ZNF385D: variants seen among roughly 807,000 people sequenced by gnomAD.
ZNF385D encodes zinc finger protein 659.
Under a neutral mutation model 35.8 loss-of-function variants are expected in ZNF385D, and 15 were observed. That is an observed-to-expected ratio of 0.42 (90% CI 0.28 to 0.64). The LOEUF (loss-of-function observed/expected upper bound fraction) is 0.64, where lower values mean the gene tolerates loss of function less well. Ranked by LOEUF, ZNF385D falls within the 30% of genes least tolerant of loss-of-function variation. The pLI is 0.23. For synonymous variants in ZNF385D, 212 were observed against 186.8 expected (o/e 1.13, Z -1.10); for missense variants, 474 against 494.6 (o/e 0.96, Z 0.39).
At chr3:21,524,891 A>G (rs1365896202) in intron 3 of ZNF385D, among the ~76,000 whole-genome samples, 1 of 152,162 alleles carries the variant, frequency 6.6e-6, no homozygotes, top group African/African-American at 2.4e-5. Context: ...CTGAACTAAG[A>G]CTATTAGTTG....
At chr3:21,866,905 A>T (rs684937) in intron 3 of ZNF385D, among the ~76,000 whole-genome samples, 62,778 of 151,980 alleles carry the variant, frequency 0.41, 13,201 homozygotes, top group Non-Finnish European at 0.43. Context: ...ATCAGTGCCT[A>T]TTAGAATGAA....
At chr3:21,534,047 A>G (rs1475701089) in intron 3 of ZNF385D, among the ~76,000 whole-genome samples, 2 of 152,080 alleles carry the variant, frequency 1.3e-5, no homozygotes, top group African/African-American at 4.8e-5. Context: ...TTTGCTTACA[A>G]TACCCTTCTT....
chr3:22,036,534 G>C (rs1002495853), intron 3 of ZNF385D, among the ~76,000 whole-genome samples: 1 of 151,916 alleles, frequency 6.6e-6, no homozygotes, highest in Non-Finnish European at 1.5e-5. Context: ...AGAAATAGTA[G>C]TGATATGAGT....
chr3:22,149,001 C>T (rs540566273), intron 3 of ZNF385D, among the ~76,000 whole-genome samples: 161 of 152,174 alleles, frequency 1.1e-3, no homozygotes, highest in Admixed American at 4.7e-3. Context: ...GCTGCAAAAA[C>T]CAGTTAAGTG....
At chr3:21,821,033 T>C (rs993963025) in intron 3 of ZNF385D, among the ~76,000 whole-genome samples, 2 of 151,962 alleles carry the variant, frequency 1.3e-5, no homozygotes, top group African/African-American at 4.8e-5. Context: ...ATGGAGTCAA[T>C]AATTAAAAAT....
rs564646455 is a variant in ZNF385D at position 21,498,678 on chromosome 3, G to A, written c.439+12183C>T. On this transcript the variant is annotated intron_variant, in intron 4 of 7. Coordinates refer to ENST00000281523, the MANE Select transcript of ZNF385D (RefSeq NM_024697.3). Reference sequence around the variant, plus strand: ...ATGCCACCTCACACTGGTCAGAATGGCTATTAATAACAAGTCACACTTTGG... The same window carrying A: ...ATGCCACCTCACACTGGTCAGAATGACTATTAATAACAAGTCACACTTTGG... 2.6e-5 allele frequency among the ~76,000 whole-genome samples: 4 copies of A among 152,126 alleles called. No individual in the cohort carries two copies. The South Asian group carries it at 8.3e-4, about 32-fold the overall frequency.
chr3:21,689,130 C>CAAAAAAAAAAA (rs5847126), intron 1 of ZNF385D, among the ~76,000 whole-genome samples: 1 of 114,372 alleles, frequency 8.7e-6, no homozygotes, highest in Non-Finnish European at 1.8e-5. Flanking sequence ...CTTATTGAAG[C>CAAAAAAAAAAA]AAAAAAAAAA....
At chr3:21,672,678 T>C (rs2066612540) in intron 1 of ZNF385D, among the ~76,000 whole-genome samples, 1 of 152,190 alleles carries the variant, frequency 6.6e-6, no homozygotes, top group Non-Finnish European at 1.5e-5. Flanking sequence ...TTTTCAGTTG[T>C]GGTATTTAAA....
At chr3:21,762,233 G>T (rs1232311880) in intron 3 of ZNF385D, among the ~76,000 whole-genome samples, 1 of 152,032 alleles carries the variant, frequency 6.6e-6, no homozygotes, top group African/African-American at 2.4e-5. Context: ...GTTCTCTCCT[G>T]TTGGATTCAG....
chr3:21,866,438 A>G (rs1432988014), intron 3 of ZNF385D, among the ~76,000 whole-genome samples: 1 of 152,186 alleles, frequency 6.6e-6, no homozygotes, highest in Non-Finnish European at 1.5e-5. Context: ...CTTGGGCAAC[A>G]GGAGTGAAAC....
chr3:22,271,879 T>C (rs1311415554), intron 2 of ZNF385D, among the ~76,000 whole-genome samples: 1 of 152,056 alleles, frequency 6.6e-6, no homozygotes, highest in Admixed American at 6.6e-5. Context: ...TTTTAGACTT[T>C]ACAATAGTGT....
intron 3 of ZNF385D, among the ~76,000 whole-genome samples, chr3:22,138,090 C>T (rs1308854822): frequency 6.6e-6 from 1 of 151,982 alleles, no homozygotes; most frequent in Non-Finnish European, 1.5e-5. Flanking sequence ...AAGAAAATAC[C>T]TAGGAATCCA....
intron 2 of ZNF385D, among the ~76,000 whole-genome samples, chr3:22,370,040 T>C (rs1417559129): frequency 1.3e-5 from 2 of 152,200 alleles, no homozygotes; most frequent in Non-Finnish European, 2.9e-5. Context: ...ATTGCAAACA[T>C]TTTCATTATT....
At chr3:22,300,754 G>A (rs747186928) in intron 2 of ZNF385D, among the ~76,000 whole-genome samples, 2 of 151,926 alleles carry the variant, frequency 1.3e-5, no homozygotes, top group Non-Finnish European at 2.9e-5. Context: ...CTTCACACAT[G>A]TTAGAATAGC....
chr3:21,999,132 G>C (rs902808560), intron 3 of ZNF385D, among the ~76,000 whole-genome samples: 1 of 152,086 alleles, frequency 6.6e-6, no homozygotes, highest in Admixed American at 6.5e-5. Context: ...ACATCAGTCA[G>C]GTTCACAGAA....
intron 3 of ZNF385D, among the ~76,000 whole-genome samples, chr3:21,859,913 G>A (rs752900181): frequency 1.3e-5 from 2 of 152,026 alleles, no homozygotes; most frequent in Non-Finnish European, 2.9e-5. Flanking sequence ...ACTTCCCCGG[G>A]ACAGGGAGGA....
chr3:22,010,426 C>A (rs71312022), intron 3 of ZNF385D, among the ~76,000 whole-genome samples: 20,140 of 152,114 alleles, frequency 0.13, 1,447 homozygotes, highest in South Asian at 0.26. Context: ...TTATTTACTC[C>A]CAATACCAGT....
At chr3:21,975,609 T>A (rs1703546056) in intron 3 of ZNF385D, among the ~76,000 whole-genome samples, 2 of 151,724 alleles carry the variant, frequency 1.3e-5, no homozygotes, top group Admixed American at 1.3e-4. Flanking sequence ...CCATTTACTT[T>A]GATGTGATTT....
chr3:22,368,814 G>C (rs528077487), intron 2 of ZNF385D, among the ~76,000 whole-genome samples: 1 of 152,228 alleles, frequency 6.6e-6, no homozygotes, highest in East Asian at 1.9e-4. Flanking sequence ...TCAGTTTGGG[G>C]GAGATATAAA....
Sources: gnomAD v4.1 joint callset for allele counts (sites outside exome capture counted in the v4.1 genomes callset) on GRCh38, gnomAD v4.1.1 for gene constraint, MANE v1.5 for transcripts, NCBI Gene and HGNC (gene_info 2026-07-23, HGNC 2026-07-21) for gene names.